NEBL: variants seen among roughly 807,000 people sequenced by gnomAD.
The protein encoded by NEBL is nebulette, also known as LIM and SH3 protein 2.
NEBL carries 122 observed loss-of-function variants against 140.2 expected under a neutral mutation model. The observed-to-expected ratio is 0.87, with a 90% CI of 0.75 to 1.01. NEBL has a LOEUF of 1.01. NEBL is among the 50% of genes least tolerant of loss of function. The pLI, the probability that NEBL is intolerant of heterozygous loss-of-function variation, is 0.00. For missense variants in NEBL, 1,365 were observed against 1,231.3 expected, an observed-to-expected ratio of 1.11 and a Z score of -1.62; for synonymous variants, 436 against 398.9, an observed-to-expected ratio of 1.09 and a Z score of -1.11.
chr10:20,825,874 TTTA>T (rs1223903222), intron 18 of NEBL, among the ~76,000 whole-genome samples: 18 of 152,136 alleles, frequency 1.2e-4, no homozygotes, highest in Admixed American at 7.9e-4. Context: ...TATTTCACAA[TTTA>T]TAGTGAAGAT....
intron 3 of NEBL, among the ~76,000 whole-genome samples, chr10:21,187,388 T>C (rs1841493029): frequency 6.6e-6 from 1 of 152,154 alleles, no homozygotes; most frequent in Non-Finnish European, 1.5e-5. Flanking sequence ...GTATTTCTCT[T>C]TCCCCCACGG....
At chr10:20,887,001 G>A (rs575599356) in intron 4 of NEBL, among the ~76,000 whole-genome samples, 8 of 152,252 alleles carry the variant, frequency 5.3e-5, no homozygotes, top group Admixed American at 2.6e-4. Context: ...GACAGATGAG[G>A]TCCCTGCTCT....
chr10:20,786,320 T>G (rs1365915111), intron 27 of NEBL, among the ~76,000 whole-genome samples: 3 of 152,200 alleles, frequency 2.0e-5, no homozygotes, highest in Admixed American at 6.5e-5. Context: ...TTTTCTTAAG[T>G]TGATGCTAAA....
chr10:20,993,198 A>AT (rs906770654), intron 3 of NEBL, among the ~76,000 whole-genome samples: 3 of 152,180 alleles, frequency 2.0e-5, no homozygotes, highest in African/African-American at 7.2e-5. Context: ...GGGGTGTCTA[A>AT]TTCTATTAAT....
chr10:21,192,180 T>C (rs1734951346), intron 3 of NEBL, among the ~76,000 whole-genome samples: 1 of 151,778 alleles, frequency 6.6e-6, no homozygotes, highest in Non-Finnish European at 1.5e-5. Flanking sequence ...CTCTCCTAAT[T>C]TGATAGACTT....
rs373784448 is a variant in NEBL, at chr10:21,031,094, C to T, written c.165-10893G>A. On this transcript the variant is annotated intron_variant, in intron 2 of 6. Transcript: ENST00000417816. ...CTCTCTGTTTGACAATGGCTGTCTTCGTGGATGTCTGTCCCATCTGAGTTA... is the reference window on the plus strand; with the variant it reads ...CTCTCTGTTTGACAATGGCTGTCTTTGTGGATGTCTGTCCCATCTGAGTTA... Among the ~76,000 whole-genome samples, 15 of 152,344 alleles carry T rather than the reference C, an allele frequency of 9.8e-5. No homozygotes were observed. In the South Asian group the frequency reaches 2.9e-3, roughly 29 times the overall value.
intron 2 of NEBL, among the ~76,000 whole-genome samples, chr10:21,168,963 G>A (rs1333440038): frequency 6.8e-6 from 1 of 147,736 alleles, no homozygotes; most frequent in African/African-American, 2.5e-5. Flanking sequence ...GCAGCAGAAT[G>A]GCATGAACCC....
At chr10:20,933,739 A>G (rs1834325330) in intron 4 of NEBL, among the ~76,000 whole-genome samples, 1 of 152,222 alleles carries the variant, frequency 6.6e-6, no homozygotes, top group Non-Finnish European at 1.5e-5. Flanking sequence ...CTCCATTTCA[A>G]AAACAAAAAA....
rs548012485 is a variant in NEBL at position 21,056,199 on chromosome 10, TAGG to T, written c.165-36001_165-35999del. ...CATGAAGCTATTAGGTTTTGCAAGG[TAGG>T]AGGAGGTTATAGAACTCACACCCAG... is the stretch of plus-strand genomic sequence containing the variant. On this transcript the variant is annotated intron_variant, in intron 2 of 6. Transcript: ENST00000417816. Among the ~76,000 whole-genome samples the T allele has an allele frequency of 1.4e-4, 21 of 152,290 alleles. 1 individual carries two copies. The South Asian group carries it at 4.1e-3, about 30-fold the overall frequency.
intron 4 of NEBL, among the ~76,000 whole-genome samples, chr10:20,918,002 T>C (rs1175744821): frequency 1.3e-5 from 2 of 152,198 alleles, no homozygotes; most frequent in African/African-American, 4.8e-5. Flanking sequence ...AAATGATATA[T>C]GCATGACACA....
intron 1 of NEBL, among the ~76,000 whole-genome samples, chr10:21,282,977 T>G (rs762667079): frequency 7.9e-5 from 12 of 151,542 alleles, no homozygotes; most frequent in Non-Finnish European, 1.6e-4. Flanking sequence ...ATACAAAAAA[T>G]TTTAAAAAAT....
At chr10:21,105,400 T>C (rs531465653) in intron 2 of NEBL, among the ~76,000 whole-genome samples, 4 of 152,170 alleles carry the variant, frequency 2.6e-5, no homozygotes, top group African/African-American at 9.6e-5. Context: ...TGTGTTCTCA[T>C]TGTTCAACTT....
At chr10:20,848,203 T>C (rs982091455) in intron 11 of NEBL, among the ~76,000 whole-genome samples, 2 of 152,192 alleles carry the variant, frequency 1.3e-5, no homozygotes, top group South Asian at 2.1e-4. Context: ...CAGTGGAAGA[T>C]AGTAAAGCAA....
At chr10:20,969,167 G>GT (rs1028545947) in intron 3 of NEBL, among the ~76,000 whole-genome samples, 2 of 151,908 alleles carry the variant, frequency 1.3e-5, no homozygotes, top group South Asian at 2.1e-4. Context: ...CTGATTAAGA[G>GT]TTTTTTTTAA....
intron 2 of NEBL, among the ~76,000 whole-genome samples, chr10:21,091,349 T>A (rs888639266): frequency 6.6e-6 from 1 of 152,232 alleles, no homozygotes. Flanking sequence ...TAAGAGTTCA[T>A]GTGTCTGGGC....
intron 2 of NEBL, among the ~76,000 whole-genome samples, chr10:21,070,349 T>A (rs1835761869): frequency 6.6e-6 from 1 of 152,304 alleles, no homozygotes; most frequent in African/African-American, 2.4e-5. Flanking sequence ...CAGATTGCCC[T>A]GGTTAAAATT....
intron 2 of NEBL, among the ~76,000 whole-genome samples, chr10:21,141,225 C>A (rs183109151): frequency 1.3e-5 from 2 of 152,236 alleles, no homozygotes; most frequent in Admixed American, 1.3e-4. Flanking sequence ...TTAGTGAAAT[C>A]TGAACGAGGT....
chr10:21,025,230 A>G (rs925929753), intron 2 of NEBL, among the ~76,000 whole-genome samples: 9 of 152,186 alleles, frequency 5.9e-5, no homozygotes, highest in Non-Finnish European at 4.4e-5. Context: ...TGGAAATATG[A>G]CATGTAACGC....
At chr10:21,006,104 T>C (rs1838128172) in intron 3 of NEBL, among the ~76,000 whole-genome samples, 1 of 152,208 alleles carries the variant, frequency 6.6e-6, no homozygotes, top group Non-Finnish European at 1.5e-5. Flanking sequence ...CATGTGGCTA[T>C]AGAGCTCTAT....
Sources: allele counts gnomAD v4.1 joint callset (sites outside exome capture counted in the v4.1 genomes callset), GRCh38; gene constraint gnomAD v4.1.1; transcripts MANE v1.5; gene names NCBI Gene and HGNC (gene_info 2026-07-23, HGNC 2026-07-21).